Variants in RIMS3 observed in about 807,000 individuals in gnomAD.
The protein encoded by RIMS3 is regulating synaptic membrane exocytosis protein 3.
Under a neutral mutation model 29.2 loss-of-function variants are expected in RIMS3, and 15 were observed. The observed-to-expected ratio is 0.51, with a 90% confidence interval of 0.34 to 0.79. RIMS3 has a LOEUF of 0.79. Among genes scored for constraint, RIMS3 ranks in the 30% least tolerant of loss-of-function variants. RIMS3 has a pLI of 0.01. For synonymous variants in RIMS3, 161 were observed against 170.1 expected, an observed-to-expected ratio of 0.95 and a Z score of 0.41; for missense variants, 342 against 421.4, an observed-to-expected ratio of 0.81 and a Z score of 1.65.
chr1:40,681,679 A>C, the RIMS3 span: 2 of 152,202 alleles, frequency 1.3e-5, no homozygotes, highest in African/African-American at 4.8e-5. Flanking sequence ...GGCCATATAC[A>C]AAACCTTACT....
At chr1:40,652,809 G>C (rs920794304) in intron 1 of RIMS3, among the ~76,000 whole-genome samples, 3 of 152,218 alleles carry the variant, frequency 2.0e-5, no homozygotes, top group Non-Finnish European at 2.9e-5. Flanking sequence ...TGCAGAATCA[G>C]AAAGAAGCCT....
the RIMS3 span, chr1:40,691,647 C>T: frequency 1.4e-5 from 6 of 433,494 alleles, no homozygotes. Context: ...TTCTGCGCAC[C>T]GCACGATACT....
intron 4 of RIMS3, among the ~76,000 whole-genome samples, chr1:40,633,927 T>G (rs1646504793): frequency 6.6e-6 from 1 of 152,148 alleles, no homozygotes; most frequent in East Asian, 1.9e-4. Context: ...TCATAGGGTT[T>G]TATATGTTGA....
the RIMS3 span, chr1:40,691,918 C>G: frequency 3.0e-6 from 1 of 338,474 alleles, no homozygotes; most frequent in Non-Finnish European, 5.9e-6. Context: ...GAAGCGGCGG[C>G]GGGGGGAGGG....
chr1:40,684,155 T>C, the RIMS3 span, among the ~76,000 whole-genome samples: 1 of 152,220 alleles, frequency 6.6e-6, no homozygotes, highest in Non-Finnish European at 1.5e-5. Flanking sequence ...GACTAATTGG[T>C]TACCATGTTT....
chr1:40,673,912 G>C, the RIMS3 span, among the ~76,000 whole-genome samples: 18,674 of 152,148 alleles, frequency 0.12, 1,269 homozygotes, highest in African/African-American at 0.15. Flanking sequence ...GAGTTGTAAA[G>C]ATTAAATGAG....
the RIMS3 span, among the ~76,000 whole-genome samples, chr1:40,676,123 C>T: frequency 6.6e-6 from 1 of 152,144 alleles, no homozygotes; most frequent in Admixed American, 6.5e-5. Flanking sequence ...TATCCTTCAT[C>T]CTGCCTTTCA....
chr1:40,640,436 G>A (rs1462803458), intron 3 of RIMS3, among the ~76,000 whole-genome samples: 3 of 152,154 alleles, frequency 2.0e-5, no homozygotes, highest in African/African-American at 4.8e-5. Context: ...CGACGGCTTT[G>A]TATAAATCTA....
chr1:40,691,688 G>A, the RIMS3 span: 1 of 451,554 alleles, frequency 2.2e-6, no homozygotes, highest in South Asian at 1.6e-5. Context: ...AGGGGGAAGG[G>A]AAAAGGGGAA....
chr1:40,656,137 G>T (rs559281505), intron 1 of RIMS3, among the ~76,000 whole-genome samples: 22 of 152,224 alleles, frequency 1.4e-4, no homozygotes, highest in Non-Finnish European at 2.5e-4. Flanking sequence ...GGGAGGCTGA[G>T]GTGGGAGGAT....
chr1:40,686,830 G>A, the RIMS3 span, among the ~76,000 whole-genome samples: 2 of 151,848 alleles, frequency 1.3e-5, no homozygotes, highest in Non-Finnish European at 2.9e-5. Flanking sequence ...ATTATATCTT[G>A]CCTAAACCAT....
At chr1:40,665,191 A>T (rs1642406152) in intron 1 of RIMS3, among the ~76,000 whole-genome samples, 1 of 151,710 alleles carries the variant, frequency 6.6e-6, no homozygotes, top group Non-Finnish European at 1.5e-5. Context: ...GCTTCCCCAA[A>T]CACCCCACGT....
At chr1:40,691,963 C>T in the RIMS3 span, 1 of 312,212 alleles carries the variant, frequency 3.2e-6, no homozygotes, top group South Asian at 2.3e-5. Flanking sequence ...GACCTCACTT[C>T]CTCGCGCGGC....
intron 4 of RIMS3, 23 bp from the exon 5 acceptor site, chr1:40,633,204 G>A (rs375411494): frequency 1.4e-5 from 23 of 1,588,204 alleles, no homozygotes; most frequent in African/African-American, 1.3e-4. Flanking sequence ...GCAGAGGGAC[G>A]CGTGAGGGGG....
Position 40,626,250 on chromosome 1 carries a change from G to A in RIMS3, c.*267C>T, listed in dbSNP as rs982721182. 2.6e-5 allele frequency: 14 copies of A among 532,302 alleles called. No individual in the cohort carries two copies. Among genetic ancestry groups the A allele is most frequent in the East Asian group, 1.3e-4 (4 of 30,248 alleles). The allele number at this position is 532,302 out of a possible 1,614,324, so 33.0% of individuals were successfully genotyped here. Reference sequence around the variant, plus strand: ...TCTTTTCAACAAGACACAAAGAGACGTGGAGACATTTCAGCCCATATCATC... The same window carrying A: ...TCTTTTCAACAAGACACAAAGAGACATGGAGACATTTCAGCCCATATCATC... On this transcript the variant is annotated 3_prime_UTR_variant, in exon 8 of 8. Coordinates refer to ENST00000372684, the MANE Select transcript of RIMS3 (RefSeq NM_014747.3).
rs181167178 is a variant in RIMS3 at position 40,638,696 on chromosome 1, T to C, written c.218-2639A>G. ...TGGGACAGCCCAGGATGGTCCTGTG[T>C]AGACCCAGCCAATTGCCAGACCAGA... On this transcript the variant is annotated intron_variant, in intron 3 of 7. Transcript: ENST00000372684. Among the ~76,000 whole-genome samples the C allele has an allele frequency of 4.6e-4, 70 of 152,250 alleles. 1 individual carries two copies. The highest frequency in any genetic ancestry group is 7.4e-4 in the Non-Finnish European group (50 of 68,016).
rs1320531146 is a variant in RIMS3 at position 40,654,973 on chromosome 1, C to T, written c.-206-7131G>A. Among the ~76,000 whole-genome samples the T allele has an allele frequency of 6.6e-6, 1 of 152,204 alleles. No homozygotes were observed. The highest frequency in any genetic ancestry group is 1.5e-5 in the Non-Finnish European group (1 of 68,030). ...CCTGGTGCCCAGGCCACCCTTCCCACTGTGAACATGGGACTAGGGAGGGGG... is the reference window on the plus strand; with the variant it reads ...CCTGGTGCCCAGGCCACCCTTCCCATTGTGAACATGGGACTAGGGAGGGGG... On this transcript the variant is annotated intron_variant, in intron 1 of 7. Transcript: ENST00000372684. The surrounding 1 kb of genome is among the most constrained non-coding windows in gnomAD (Gnocchi z 5.3).
the RIMS3 span, among the ~76,000 whole-genome samples, chr1:40,675,538 A>T: frequency 2.6e-5 from 4 of 152,166 alleles, no homozygotes; most frequent in South Asian, 8.3e-4. Flanking sequence ...CAGGAGGATC[A>T]CCTAAGGTCA....
intron 1 of RIMS3, among the ~76,000 whole-genome samples, chr1:40,650,915 C>A (rs1237130928): frequency 6.7e-6 from 1 of 149,390 alleles, no homozygotes; most frequent in Non-Finnish European, 1.5e-5. Context: ...ACTTTGTCTC[C>A]TGTCTGCCTG....
Sources: allele counts gnomAD v4.1 joint callset (sites outside exome capture counted in the v4.1 genomes callset), GRCh38; gene constraint gnomAD v4.1.1; non-coding constraint Gnocchi (gnomAD v3.1); transcripts MANE v1.5; gene names NCBI Gene and HGNC (gene_info 2026-07-23, HGNC 2026-07-21).